Variants in USP24 observed in about 807,000 individuals in gnomAD.
USP24 encodes ubiquitin specific peptidase 24.
A neutral mutation model predicts 361.6 loss-of-function variants in USP24; 97 were observed. The ratio of observed to expected loss-of-function variants is 0.27; its 90% CI spans 0.23 to 0.32. The LOEUF (loss-of-function observed/expected upper bound fraction) is 0.32. USP24 is among the 10% of genes least tolerant of loss of function. The pLI is 1.00. For missense variants in USP24, 2,353 were observed against 3,165.6 expected, an observed-to-expected ratio of 0.74 and a Z score of 6.16; for synonymous variants, 1,098 against 1,124.6, an observed-to-expected ratio of 0.98 and a Z score of 0.47.
At chr1:55,144,913 G>T (rs540538521) in intron 20 of USP24, among the ~76,000 whole-genome samples, 2 of 152,214 alleles carry the variant, frequency 1.3e-5, no homozygotes, top group East Asian at 3.9e-4. Flanking sequence ...CAGCCTGGGC[G>T]ACAAGAGTAA....
intron 52 of USP24, among the ~76,000 whole-genome samples, chr1:55,093,124 T>A (rs1442825606): frequency 6.6e-6 from 1 of 152,194 alleles, no homozygotes; most frequent in Admixed American, 6.5e-5. Context: ...AGAACTATTA[T>A]TCATTAAACC....
intron 25 of USP24, 40 bp downstream of exon 25, chr1:55,138,904 G>A: frequency 6.3e-7 from 1 of 1,591,366 alleles, no homozygotes. Context: ...CTTGAGTCCA[G>A]CCTAAGCAAC....
At chr1:55,111,407 C>T (rs1645948904) in intron 38 of USP24, among the ~76,000 whole-genome samples, 1 of 152,010 alleles carries the variant, frequency 6.6e-6, no homozygotes, top group Non-Finnish European at 1.5e-5. Context: ...AAAACATGTA[C>T]TTATATTAAG....
chr1:55,120,768 T>C lies in USP24; in HGVS notation c.4348-12A>G. The C allele has an allele frequency of 6.4e-7, 1 of 1,554,658 alleles. No individual in the cohort carries two copies. The highest frequency in any genetic ancestry group is 1.2e-5 in the South Asian group (1 of 82,856). ...GCAACCCGGCGAATCTGAAATTACA[T>C]GATCAGCAGCAAAGGACAGACATGA... On this transcript the variant is annotated splice_polypyrimidine_tract_variant and intron_variant, in intron 37 of 67. Coordinates refer to ENST00000294383, the MANE Select transcript of USP24 (RefSeq NM_015306.3).
intron 48 of USP24, 27 bp from the exon 49 acceptor site, chr1:55,097,199 A>C (rs1177512635): frequency 1.2e-5 from 20 of 1,610,718 alleles, no homozygotes; most frequent in Non-Finnish European, 1.6e-5. Flanking sequence ...AGACCATATT[A>C]ACGTTGATTA....
At position 55,148,504 on chromosome 1, in the gene USP24, T is replaced by C; in HGVS notation, c.1927A>G (p.Thr643Ala). Residue 643 changes from threonine (T) to alanine (A), a missense_variant, in exon 17 of 68, where the codon ACT (threonine) becomes GCT (alanine). Coordinates refer to ENST00000294383, the MANE Select transcript of USP24 (RefSeq NM_015306.3). ...VPALRQLHEI[T>A]RSFIKQTYQK... ...TAGGTTTGTTTTATGAATGAGCGAG[T>C]AATTTCATGGAGCTGACGCAAAGCT... 1 of 1,595,246 alleles carries C rather than the reference T, an allele frequency of 6.3e-7. No homozygotes were observed.
intron 19 of USP24, 140 bp from the exon 20 acceptor site, chr1:55,146,249 G>T: frequency 1.8e-6 from 1 of 541,906 alleles, no homozygotes; most frequent in South Asian, 3.4e-5. Context: ...AAAATGCTTG[G>T]AATTCTGAAA....
intron 16 of USP24, among the ~76,000 whole-genome samples, chr1:55,150,702 A>G (rs1336826358): frequency 6.6e-6 from 1 of 152,218 alleles, no homozygotes; most frequent in Non-Finnish European, 1.5e-5. Context: ...AAATTCAAAG[A>G]AAAAGTCTAT....
intron 58 of USP24, 141 bp from the exon 59 acceptor site, chr1:55,081,565 A>T (rs982498632): frequency 1.3e-5 from 10 of 789,570 alleles, no homozygotes; most frequent in Non-Finnish European, 2.1e-5. Context: ...AGGTACAAAA[A>T]AATCACAGGT....
chr1:55,081,766 A>G (rs1439244613), intron 58 of USP24, among the ~76,000 whole-genome samples: 1 of 152,220 alleles, frequency 6.6e-6, no homozygotes, highest in Non-Finnish European at 1.5e-5. Flanking sequence ...CTTCACCACA[A>G]CAGTATCTTG....
chr1:55,134,427 G>A lies in USP24; in HGVS notation c.3202-14C>T, dbSNP rs776174173. 1.9e-6 allele frequency: 3 copies of A among 1,597,542 alleles called. No homozygotes were observed. The highest frequency in any genetic ancestry group is 2.6e-6 in the Non-Finnish European group (3 of 1,167,432). On this transcript the variant is annotated splice_polypyrimidine_tract_variant and intron_variant, in intron 28 of 67. Transcript: ENST00000294383. ...GAGGGATTTCTCCTGATGGAAAAAA[G>A]CAAAATAGAAATTCAAATTTACAAA... is the stretch of plus-strand genomic sequence containing the variant.
Position 55,093,946 on chromosome 1 carries a change from T to C in USP24, c.6345A>G (p.Arg2115=). The C allele has an allele frequency of 6.2e-7, 1 of 1,613,784 alleles. No homozygotes were observed. The highest frequency in any genetic ancestry group is 8.5e-7 in the Non-Finnish European group (1 of 1,179,852). Residue 2115 remains arginine (R), a synonymous_variant, in exon 52 of 68, where the codon CGA becomes CGG. Transcript: ENST00000294383. The part of the protein sequence containing the change: ...KGLFVEKMPA[R]IYQMVRDENL... Reference sequence around the variant, plus strand: ...TTTATATGGTTCTTACCTGGTATATTCGAGCAGGCATTTTCTCCACAAACA... The same window carrying C: ...TTTATATGGTTCTTACCTGGTATATCCGAGCAGGCATTTTCTCCACAAACA...
chr1:55,139,760 A>G lies in USP24; in HGVS notation c.2751-750T>C, dbSNP rs149500825. The stretch of plus-strand genomic sequence containing the variant: ...CAATTGGTCTGGTATGCTGATTAGC[A>G]GTACCAAAAATTTCACTCTAAAAAC... On this transcript the variant is annotated intron_variant, in intron 24 of 67. Coordinates refer to ENST00000294383, the MANE Select transcript of USP24 (RefSeq NM_015306.3). Among the ~76,000 whole-genome samples the G allele has an allele frequency of 3.4e-3, 511 of 152,316 alleles. 4 individuals are homozygous for G. Among genetic ancestry groups the G allele is most frequent in the African/African-American group, 0.012 (497 of 41,574 alleles).
At chr1:55,129,685 C>T (rs183211043) in intron 31 of USP24, 111 bp from the exon 32 acceptor site, 2 of 723,398 alleles carry the variant, frequency 2.8e-6, no homozygotes, top group Non-Finnish European at 4.5e-6. Context: ...AAATGTTGCA[C>T]ACTGTTTTTC....
rs751303985 is a variant in USP24, at chr1:55,078,546, A to C, written c.7306T>G (p.Phe2436Val). Residue 2436 changes from phenylalanine (F) to valine (V), a missense_variant, in exon 61 of 68, where the codon TTC becomes GTC. Physicochemically the swap from Phe to Val is conservative, Grantham distance 50 (BLOSUM62 -1). Coordinates refer to ENST00000294383, the MANE Select transcript of USP24 (RefSeq NM_015306.3). Reference sequence around the variant, plus strand: ...TTTAACTGAGGTCTTACCTTAATGAAATGCAGCATTGTGAAGGAAAAATGC... The same window carrying C: ...TTTAACTGAGGTCTTACCTTAATGACATGCAGCATTGTGAAGGAAAAATGC... ...NEHFSFTMLH[F>V]IKNQLETAPP... 1 of 1,610,390 alleles carries C rather than the reference A, an allele frequency of 6.2e-7. No homozygotes were observed. The highest frequency in any genetic ancestry group is 2.2e-5 in the East Asian group (1 of 44,798).
At chr1:55,214,757 T>C in intron 1 of USP24, 33 bp downstream of exon 1, 1 of 1,185,756 alleles carries the variant, frequency 8.4e-7, no homozygotes, top group Non-Finnish European at 1.1e-6. Context: ...GCCCAGTGGC[T>C]TCCCACAGAG....
Position 55,214,823 on chromosome 1 carries a change from G to T in USP24, c.291C>A (p.Pro97=). The part of the protein sequence containing the change: ...GSTGGGGGFD[P]PPAYHEVVDA... ...CCACCACCTCGTGGTAGGCGGGCGG[G>T]GGGTCGAAGCCGCCCCCGCCTCCGG... The change falls in exon 1 of 68, where the codon CCC becomes CCA. Residue 97 remains proline (P), a synonymous_variant. Transcript: ENST00000294383. 8.2e-7 allele frequency: 1 copy of T among 1,223,658 alleles called. No homozygotes were observed. The highest frequency in any genetic ancestry group is 1.0e-6 in the Non-Finnish European group (1 of 973,452). 75.8% of individuals were successfully genotyped at this position (1,223,658 alleles called of 1,614,324 possible).
intron 17 of USP24, 71 bp downstream of exon 17, chr1:55,148,392 T>C: frequency 8.5e-7 from 1 of 1,176,862 alleles, no homozygotes; most frequent in African/African-American, 1.6e-5. Context: ...AACTCAGCAA[T>C]TTTAGCCATG....
In USP24 at chr1:55,067,129, AG is replaced by A. The variant is rs1177837135; in HGVS notation, c.*1915del. Reference sequence around the variant, plus strand: ...GAAGGCGTTGTTTCCATAGGAAATAAGGGGACTAGAAGTGGCAATTTCACTC... The same window carrying A: ...GAAGGCGTTGTTTCCATAGGAAATAAGGGACTAGAAGTGGCAATTTCACTC... On this transcript the variant is annotated 3_prime_UTR_variant, in exon 68 of 68. Transcript: ENST00000294383. The A allele has an allele frequency of 3.3e-5, 5 of 152,176 alleles. No homozygotes were observed. Among genetic ancestry groups the A allele is most frequent in the African/African-American group, 1.2e-4 (5 of 41,440 alleles). The allele number at this position is 152,176 out of a possible 1,614,324, so 9.4% of individuals were successfully genotyped here.
Sources: allele counts gnomAD v4.1 joint callset (sites outside exome capture counted in the v4.1 genomes callset), GRCh38; gene constraint gnomAD v4.1.1; transcripts MANE v1.5; gene names NCBI Gene and HGNC (gene_info 2026-07-23, HGNC 2026-07-21).